The following ALMS1 variants were observed in gnomAD, a reference collection of about 807,000 sequenced individuals.
ALMS1 encodes centrosome-associated protein ALMS1.
ALMS1 carries 271 observed loss-of-function variants against 352.2 expected under a neutral mutation model. That is an observed-to-expected ratio of 0.77 (90% CI 0.70 to 0.85). The LOEUF (loss-of-function observed/expected upper bound fraction) is 0.85. ALMS1 is among the 40% of genes least tolerant of loss of function. ALMS1 has a pLI of 0.00. For missense variants in ALMS1, 5,445 were observed against 4,870.7 expected (o/e 1.12, Z -3.51); for synonymous variants, 1,865 against 1,761.2 (o/e 1.06, Z -1.48).
intron 15 of ALMS1, among the ~76,000 whole-genome samples, chr2:73,566,703 A>T (rs1402812604): frequency 1.3e-5 from 2 of 152,158 alleles, no homozygotes. Context: ...CACAGTCCCC[A>T]CAGGTTATGG....
At position 73,609,738 on chromosome 2, in the gene ALMS1, A is replaced by G; in HGVS notation, c.*126A>G. ...GTCCATGTGTATTTTAGAAATAGTA[A>G]CTTCTAAAGAGTCTGGAACAAAGTG... On this transcript the variant is annotated 3_prime_UTR_variant, in exon 23 of 23. Transcript: ENST00000613296. 2.1e-6 allele frequency: 2 copies of G among 962,190 alleles called. No individual in the cohort carries two copies. Among genetic ancestry groups the G allele is most frequent in the Non-Finnish European group, 3.3e-6 (2 of 609,800 alleles). The allele number at this position is 962,190 out of a possible 1,614,324, so 59.6% of individuals were successfully genotyped here.
chr2:73,565,582 C>A (rs1674784830), intron 15 of ALMS1, among the ~76,000 whole-genome samples: 1 of 152,072 alleles, frequency 6.6e-6, no homozygotes, highest in South Asian at 2.1e-4. Flanking sequence ...AACTTCCTTC[C>A]AAAGAGTGTA....
intron 16 of ALMS1, among the ~76,000 whole-genome samples, chr2:73,580,613 C>G (rs1055799802): frequency 6.6e-6 from 1 of 152,258 alleles, no homozygotes; most frequent in Middle Eastern, 3.4e-3. Flanking sequence ...ATGGGCCATA[C>G]TTTCTTGTTT....
Position 73,573,418 on chromosome 2 carries a change from C to A in ALMS1, c.11541C>A (p.His3847Gln). The change falls in exon 16 of 23, where the codon CAC becomes CAA. Residue 3847 changes from histidine to glutamine, a missense_variant. Physicochemically the swap from His to Gln is conservative, Grantham distance 24 (BLOSUM62 0). Coordinates refer to ENST00000613296, the MANE Select transcript of ALMS1 (RefSeq NM_001378454.1). The part of the protein sequence containing the change: ...LVTSEHTRRR[H>Q]IQVANHVISS... ...CTTCTGAGCACACCAGAAGGAGACA[C>A]ATCCAGGTACATGGCTACAGATTCC... is the stretch of plus-strand genomic sequence containing the variant. 2 of 1,613,988 alleles carry A rather than the reference C, an allele frequency of 1.2e-6. No individual in the cohort carries two copies. The highest frequency in any genetic ancestry group is 1.7e-6 in the Non-Finnish European group (2 of 1,179,960).
intron 12 of ALMS1, among the ~76,000 whole-genome samples, chr2:73,547,819 A>G (rs963961721): frequency 2.0e-5 from 3 of 152,224 alleles, no homozygotes; most frequent in African/African-American, 7.2e-5. Context: ...TAGAGACACC[A>G]GTTAGTTAGA....
intron 10 of ALMS1, among the ~76,000 whole-genome samples, chr2:73,491,937 A>G (rs535227544): frequency 6.6e-6 from 1 of 152,188 alleles, no homozygotes; most frequent in South Asian, 2.1e-4. Context: ...TCCCTCAAAT[A>G]TTTAGTATTT....
At chr2:73,544,140 G>A (rs955974771) in intron 12 of ALMS1, among the ~76,000 whole-genome samples, 1 of 152,092 alleles carries the variant, frequency 6.6e-6, no homozygotes, top group Non-Finnish European at 1.5e-5. Flanking sequence ...TGATAGACTG[G>A]ATTAATTAAA....
intron 11 of ALMS1, among the ~76,000 whole-genome samples, chr2:73,521,185 T>C (rs564323969): frequency 8.6e-4 from 131 of 152,298 alleles, no homozygotes; most frequent in Non-Finnish European, 1.5e-3. Context: ...GAAGAACACC[T>C]TTATGTGTTG....
intron 10 of ALMS1, among the ~76,000 whole-genome samples, chr2:73,518,573 C>T (rs1257441597): frequency 6.6e-6 from 1 of 152,180 alleles, no homozygotes; most frequent in South Asian, 2.1e-4. Context: ...CTAATTTACA[C>T]TCCCACAAAC....
In ALMS1 at chr2:73,490,697, A is replaced by G. The variant is rs1238337089; in HGVS notation, c.8738A>G (p.Tyr2913Cys). 7 of 1,613,922 alleles carry G rather than the reference A, an allele frequency of 4.3e-6. No homozygotes were observed. Among genetic ancestry groups the G allele is most frequent in the Non-Finnish European group, 5.9e-6 (7 of 1,180,004 alleles). Residue 2913 changes from tyrosine (Y) to cysteine (C), a missense_variant, in exon 10 of 23, where the codon TAT becomes TGT. By Grantham distance (194) the Tyr-to-Cys change is radical (BLOSUM62 -2). Coordinates refer to ENST00000613296, the MANE Select transcript of ALMS1 (RefSeq NM_001378454.1). Reference protein sequence around the residue: ...HHSPSPQHQDYVAPDLPSCIF... With the variant: ...HHSPSPQHQDCVAPDLPSCIF... ...TCTCCCTCTCCTCAACATCAGGATT[A>G]TGTAGCTCCAGACCTTCCTTCTTGC...
intron 9 of ALMS1, among the ~76,000 whole-genome samples, chr2:73,486,483 G>A (rs1466231411): frequency 2.6e-5 from 4 of 152,180 alleles, no homozygotes; most frequent in Non-Finnish European, 4.4e-5. Flanking sequence ...CTTTTGCTAG[G>A]CTTCACCTCT....
intron 10 of ALMS1, among the ~76,000 whole-genome samples, chr2:73,502,438 A>C (rs2103922140): frequency 6.6e-6 from 1 of 152,252 alleles, no homozygotes; most frequent in African/African-American, 2.4e-5. Flanking sequence ...AGAACATTGA[A>C]TATGATACCA....
chr2:73,547,081 A>G (rs997717517), intron 12 of ALMS1, among the ~76,000 whole-genome samples: 6 of 152,228 alleles, frequency 3.9e-5, no homozygotes, highest in Non-Finnish European at 7.3e-5. Context: ...AATAAACTAT[A>G]TGAACTATTT....
chr2:73,405,293 T>C (rs1304039868), intron 1 of ALMS1, among the ~76,000 whole-genome samples: 1 of 152,158 alleles, frequency 6.6e-6, no homozygotes, highest in African/African-American at 2.4e-5. Flanking sequence ...TTCTTATTTT[T>C]TCATGTTACT....
At chr2:73,495,123 C>G (rs62153177) in intron 10 of ALMS1, among the ~76,000 whole-genome samples, 1 of 152,098 alleles carries the variant, frequency 6.6e-6, no homozygotes, top group Non-Finnish European at 1.5e-5. Flanking sequence ...TTTTGTTGCT[C>G]AAGTTCTCTT....
intron 16 of ALMS1, among the ~76,000 whole-genome samples, chr2:73,588,312 T>C (rs773755632): frequency 3.3e-5 from 5 of 152,192 alleles, no homozygotes; most frequent in African/African-American, 7.2e-5. Context: ...ATGATCTCTT[T>C]GCACTCTGTC....
chr2:73,454,497 C>A, intron 8 of ALMS1: 1 of 391,316 alleles, frequency 2.6e-6, no homozygotes, highest in Non-Finnish European at 3.5e-6. Flanking sequence ...TGCTTTTTGT[C>A]CTAAAACTAC....
At chr2:73,594,462 A>G (rs1262704689) in intron 16 of ALMS1, among the ~76,000 whole-genome samples, 1 of 152,206 alleles carries the variant, frequency 6.6e-6, no homozygotes, top group Non-Finnish European at 1.5e-5. Context: ...CACCATGACT[A>G]CTTGTGTCCT....
intron 10 of ALMS1, among the ~76,000 whole-genome samples, chr2:73,493,938 A>G (rs1168539535): frequency 6.6e-6 from 1 of 152,216 alleles, no homozygotes; most frequent in Non-Finnish European, 1.5e-5. Flanking sequence ...ATCTAAATGT[A>G]GCTTATTTGG....
Sources: gnomAD v4.1 joint callset for allele counts (sites outside exome capture counted in the v4.1 genomes callset) on GRCh38, gnomAD v4.1.1 for gene constraint, MANE v1.5 for transcripts, NCBI Gene and HGNC (gene_info 2026-07-23, HGNC 2026-07-21) for gene names.